Variants in GALNT10 observed in about 807,000 individuals in gnomAD.
GALNT10 encodes polypeptide N-acetylgalactosaminyltransferase 10.
GALNT10 carries 41 observed loss-of-function variants against 75.0 expected under a neutral mutation model. That is an observed-to-expected ratio of 0.55 (90% CI 0.43 to 0.71). The LOEUF (loss-of-function observed/expected upper bound fraction) is 0.71. GALNT10 is among the 30% of genes least tolerant of loss of function. GALNT10 has a pLI of 0.00. For missense variants in GALNT10, 727 were observed against 818.5 expected (o/e 0.89, Z 1.36); for synonymous variants, 302 against 313.0 (o/e 0.96, Z 0.37).
intron 3 of GALNT10, among the ~76,000 whole-genome samples, chr5:154,311,232 C>A (rs993929302): frequency 1.3e-5 from 2 of 152,180 alleles, no homozygotes; most frequent in Non-Finnish European, 2.9e-5. Flanking sequence ...TTGTCGAGTG[C>A]TCCTATTTAT....
At chr5:154,396,996 G>A (rs1756030629) in intron 7 of GALNT10, among the ~76,000 whole-genome samples, 1 of 151,836 alleles carries the variant, frequency 6.6e-6, no homozygotes, top group East Asian at 1.9e-4. Context: ...GCATGGTGGT[G>A]GGCACCTGTA....
intron 3 of GALNT10, among the ~76,000 whole-genome samples, chr5:154,316,799 A>G (rs1754599709): frequency 6.6e-6 from 1 of 152,194 alleles, no homozygotes. Context: ...GAGCTGGCCA[A>G]AGCCTGAGGT....
chr5:154,191,431 T>TCCC (rs1446489673), intron 1 of GALNT10, among the ~76,000 whole-genome samples: 2 of 55,180 alleles, frequency 3.6e-5, no homozygotes, highest in African/African-American at 1.5e-4. Flanking sequence ...GCTTCCCTCC[T>TCCC]CCCACCCCCC....
At chr5:154,319,475 TCCAACTCA>T in intron 3 of GALNT10, among the ~76,000 whole-genome samples, 1 of 152,208 alleles carries the variant, frequency 6.6e-6, no homozygotes, top group South Asian at 2.1e-4. Flanking sequence ...GAGGCCTGAA[TCCAACTCA>T]TTTACCCCTC....
chr5:154,323,604 C>T (rs114335348), intron 3 of GALNT10, among the ~76,000 whole-genome samples: 7 of 152,152 alleles, frequency 4.6e-5, no homozygotes, highest in South Asian at 2.1e-4. Context: ...ATGTATGTAG[C>T]GGGGGCAGGT....
intron 9 of GALNT10, among the ~76,000 whole-genome samples, chr5:154,410,677 G>C (rs977904056): frequency 2.6e-5 from 4 of 152,188 alleles, no homozygotes; most frequent in African/African-American, 9.7e-5. Flanking sequence ...TGCTTCTTAG[G>C]ATGCTGTTGC....
chr5:154,372,325 G>A (rs1755585708), intron 4 of GALNT10, among the ~76,000 whole-genome samples: 1 of 152,180 alleles, frequency 6.6e-6, no homozygotes, highest in African/African-American at 2.4e-5. Context: ...TAAAAAACGT[G>A]TTAGCCATTG....
intron 3 of GALNT10, among the ~76,000 whole-genome samples, chr5:154,311,587 A>C (rs1440304884): frequency 6.6e-6 from 1 of 151,522 alleles, no homozygotes; most frequent in East Asian, 1.9e-4. Context: ...TGAGACCTGA[A>C]ACCCGTGTCT....
chr5:154,363,933 T>C (rs1342995405), intron 4 of GALNT10, among the ~76,000 whole-genome samples: 2 of 151,868 alleles, frequency 1.3e-5, no homozygotes, highest in African/African-American at 4.9e-5. Context: ...CAAAATATGT[T>C]AAGTTATGAT....
intron 1 of GALNT10, among the ~76,000 whole-genome samples, chr5:154,194,005 C>T (rs1369788561): frequency 6.6e-6 from 1 of 152,132 alleles, no homozygotes; most frequent in African/African-American, 2.4e-5. Context: ...TTTGTGGGTC[C>T]CTCTCATTCC....
chr5:154,308,671 G>A (rs1754468874), intron 3 of GALNT10, among the ~76,000 whole-genome samples: 1 of 152,204 alleles, frequency 6.6e-6, no homozygotes, highest in African/African-American at 2.4e-5. Context: ...TACGGTAACT[G>A]TGTGTTTGTT....
chr5:154,203,065 T>G (rs1775052010), intron 1 of GALNT10, among the ~76,000 whole-genome samples: 1 of 152,260 alleles, frequency 6.6e-6, no homozygotes. Context: ...TTAACTCTAA[T>G]TGTCAGGCTT....
intron 6 of GALNT10, among the ~76,000 whole-genome samples, chr5:154,384,066 A>C (rs1325807510): frequency 6.6e-6 from 1 of 152,150 alleles, no homozygotes; most frequent in African/African-American, 2.4e-5. Flanking sequence ...TTATAAAACC[A>C]TCAGATCTCA....
chr5:154,212,280 T>G (rs1460165606), intron 1 of GALNT10, among the ~76,000 whole-genome samples: 1 of 152,210 alleles, frequency 6.6e-6, no homozygotes, highest in Admixed American at 6.5e-5. Flanking sequence ...AGCTTTCCCC[T>G]TGGTTCTTAA....
chr5:154,298,785 G>A lies in GALNT10; in HGVS notation c.401+706G>A, dbSNP rs970176496. ...TTTCAGTAAGGGTCATTGTGGTGATGATGGTGATTTTCTGGTAGAGCCGTT... is the reference window on the plus strand; with the variant it reads ...TTTCAGTAAGGGTCATTGTGGTGATAATGGTGATTTTCTGGTAGAGCCGTT... On this transcript the variant is annotated intron_variant, in intron 3 of 11. Coordinates refer to ENST00000297107, the MANE Select transcript of GALNT10 (RefSeq NM_198321.4). The surrounding 1 kb of genome is among the most constrained non-coding windows in gnomAD (Gnocchi z 4.1). 2.6e-5 allele frequency among the ~76,000 whole-genome samples: 4 copies of A among 152,192 alleles called. No individual in the cohort carries two copies. The highest frequency in any genetic ancestry group is 5.9e-5 in the Non-Finnish European group (4 of 68,024).
At chr5:154,407,304 T>C (rs1279007030) in intron 8 of GALNT10, among the ~76,000 whole-genome samples, 1 of 152,200 alleles carries the variant, frequency 6.6e-6, no homozygotes, top group Non-Finnish European at 1.5e-5. Flanking sequence ...GTCCTTTTTA[T>C]GTCTCTAACA....
chr5:154,305,296 TAA>T (rs374431386), intron 3 of GALNT10, among the ~76,000 whole-genome samples: 45 of 133,570 alleles, frequency 3.4e-4, no homozygotes, highest in Admixed American at 6.8e-4. Flanking sequence ...ACCTCATCTG[TAA>T]AAAAAAAAAA....
At chr5:154,406,048 T>A (rs1284595305) in intron 8 of GALNT10, 1 of 152,050 alleles carries the variant, frequency 6.6e-6, no homozygotes, top group Non-Finnish European at 1.5e-5. Flanking sequence ...TAATTCTCAC[T>A]TGTTTTTAAC....
Position 154,417,319 on chromosome 5 carries a change from T to G in GALNT10, c.*347T>G. On this transcript the variant is annotated 3_prime_UTR_variant, in exon 12 of 12. Coordinates refer to ENST00000297107, the MANE Select transcript of GALNT10 (RefSeq NM_198321.4). ...CAAGGTAGCCTAGGCCACCCAAAAG[T>G]GAGTCCTGCGAGGTTGCCCAGCCCT... 1 of 199,824 alleles carries G rather than the reference T, an allele frequency of 5.0e-6. No individual in the cohort carries two copies. 12.4% of individuals were successfully genotyped at this position (199,824 alleles called of 1,614,324 possible). A position where few individuals can be genotyped will look rare whatever the true frequency, so the allele number is the denominator to read the frequency against.
Sources: gnomAD v4.1 joint callset for allele counts (sites outside exome capture counted in the v4.1 genomes callset) on GRCh38, gnomAD v4.1.1 for gene constraint, Gnocchi (gnomAD v3.1) non-coding constraint, MANE v1.5 for transcripts, NCBI Gene and HGNC (gene_info 2026-07-23, HGNC 2026-07-21) for gene names.